Variants in SIRT4 observed in about 807,000 individuals in gnomAD.
SIRT4 encodes the protein sirtuin 4, also known as NAD-dependent protein lipoamidase sirtuin-4, mitochondrial.
In SIRT4, 23 loss-of-function variants were observed where a neutral mutation model predicts 26.1. The ratio of observed to expected loss-of-function variants is 0.88; its 90% CI spans 0.63 to 1.25. SIRT4 has a LOEUF of 1.25. SIRT4 is among the 50% of genes most tolerant of loss of function. The pLI, the probability that SIRT4 is intolerant of heterozygous loss-of-function variation, is 0.00. For synonymous variants in SIRT4, 155 were observed against 158.4 expected (o/e 0.98, Z 0.16); for missense variants, 361 against 405.4 (o/e 0.89, Z 0.94).
rs769184129 is a variant in SIRT4 at position 120,312,490 on chromosome 12, C to T, written c.532C>T (p.Arg178Trp). Residue 178 changes from arginine (R) to tryptophan (W), a missense_variant, in exon 3 of 4, where the codon CGG becomes TGG. By Grantham distance (101) the Arg-to-Trp change is moderately radical (BLOSUM62 -3). Coordinates refer to ENST00000202967, the MANE Select transcript of SIRT4 (RefSeq NM_012240.3). ...LCLDCGEQTP[R>W]GVLQERFQVL... ...CTTGGATTGTGGGGAACAGACTCCC[C>T]GGGGGGTGCTGCAAGAGCGTTTCCA... is the stretch of plus-strand genomic sequence containing the variant. 1.5e-5 allele frequency: 25 copies of T among 1,613,720 alleles called. No homozygotes were observed. Among genetic ancestry groups the T allele is most frequent in the Middle Eastern group, 3.3e-4 (2 of 6,068 alleles).
At chr12:120,297,339 AAAGAGAG>A (rs1566459943), upstream of SIRT4, among the ~76,000 whole-genome samples, 1 of 146,328 alleles carries the variant, frequency 6.8e-6, no homozygotes, top group African/African-American at 2.5e-5. Context: ...AAAAAAAAAA[AAAGAGAG>A]AGAGAAAAAG....
chr12:120,307,966 A>C (rs958707206), intron 2 of SIRT4, among the ~76,000 whole-genome samples: 1 of 152,180 alleles, frequency 6.6e-6, no homozygotes, highest in Non-Finnish European at 1.5e-5. Flanking sequence ...TGCATGTTCA[A>C]ATAAACAGAT....
At chr12:120,301,742 A>C (rs1872557154), upstream of SIRT4, among the ~76,000 whole-genome samples, 1 of 152,198 alleles carries the variant, frequency 6.6e-6, no homozygotes, top group Non-Finnish European at 1.5e-5. Flanking sequence ...TGGGTAAAGC[A>C]TAGACAGGCA....
At chr12:120,307,347 G>C (rs1872779803) in intron 2 of SIRT4, among the ~76,000 whole-genome samples, 1 of 152,132 alleles carries the variant, frequency 6.6e-6, no homozygotes, top group Non-Finnish European at 1.5e-5. Flanking sequence ...AGATTGGCCA[G>C]GCGTGGTGGC....
In SIRT4 at chr12:120,303,707, G is replaced by C. The variant is rs764695227; in HGVS notation, c.146G>C (p.Arg49Pro). 7 of 1,613,962 alleles carry C rather than the reference G, an allele frequency of 4.3e-6. No homozygotes were observed. Among genetic ancestry groups the C allele is most frequent in the Admixed American group, 1.7e-5 (1 of 59,962 alleles). Residue 49 changes from arginine to proline, a missense_variant, in exon 2 of 4, where the codon CGC (arginine) becomes CCC (proline). Arg to Pro is a moderately radical substitution (Grantham distance 103). Coordinates refer to ENST00000202967, the MANE Select transcript of SIRT4 (RefSeq NM_012240.3). ...CCTGAGAAGGTCAAAGAGTTACAGC[G>C]CTTCATCACCCTTTCCAAGAGACTC... ...LDPEKVKELQ[R>P]FITLSKRLLV...
intron 2 of SIRT4, among the ~76,000 whole-genome samples, chr12:120,312,165 G>A (rs1031785243): frequency 1.3e-5 from 2 of 152,034 alleles, no homozygotes. Context: ...TGTTTGTAGT[G>A]CAGTCCCTGC....
At chr12:120,299,135 C>G (rs1311105277), upstream of SIRT4, among the ~76,000 whole-genome samples, 1 of 150,304 alleles carries the variant, frequency 6.7e-6, no homozygotes, top group African/African-American at 2.4e-5. Context: ...GCAGGAGAAT[C>G]GCGTGAACCC....
the SIRT4 span, among the ~76,000 whole-genome samples, chr12:120,294,006 C>CTTTTTTTTTTTTTTTTTTTTTTTTT: frequency 2.4e-5 from 2 of 84,002 alleles, no homozygotes; most frequent in Admixed American, 1.6e-4. Context: ...GAGATGTTAT[C>CTTTTTTTTTTTTTTTTTTTTTTTTT]TTTTTTTTTT....
chr12:120,300,685 T>C (rs540679810), upstream of SIRT4, among the ~76,000 whole-genome samples: 2 of 152,258 alleles, frequency 1.3e-5, no homozygotes, highest in Non-Finnish European at 2.9e-5. Flanking sequence ...TGGGCTCAAG[T>C]GATCCTCCTG....
chr12:120,291,793 G>A, the SIRT4 span: 9 of 152,098 alleles, frequency 5.9e-5, no homozygotes, highest in Non-Finnish European at 8.8e-5. Flanking sequence ...AATTGCCAAT[G>A]CCGACTATAT....
the SIRT4 span, among the ~76,000 whole-genome samples, chr12:120,292,063 C>T: frequency 2.7e-3 from 406 of 152,252 alleles, no homozygotes; most frequent in Non-Finnish European, 4.5e-3. Context: ...TGGAACATCC[C>T]GTGTCAAACA....
At chr12:120,294,634 A>G in the SIRT4 span, among the ~76,000 whole-genome samples, 1 of 151,852 alleles carries the variant, frequency 6.6e-6, no homozygotes, top group Non-Finnish European at 1.5e-5. Context: ...AGCTCACTTC[A>G]ACCTCTGCTT....
At chr12:120,295,046 G>C in the SIRT4 span, among the ~76,000 whole-genome samples, 1 of 151,560 alleles carries the variant, frequency 6.6e-6, no homozygotes, top group South Asian at 2.1e-4. Context: ...GGCCAGGCTG[G>C]TCTCAAGCTC....
chr12:120,297,495 A>G, upstream of SIRT4, among the ~76,000 whole-genome samples: 1 of 125,662 alleles, frequency 8.0e-6, no homozygotes, highest in South Asian at 2.1e-4. Flanking sequence ...CTTGGATGAC[A>G]AAAAAAAAAA....
the SIRT4 span, among the ~76,000 whole-genome samples, chr12:120,292,485 T>C: frequency 4.2e-4 from 64 of 152,026 alleles, no homozygotes; most frequent in African/African-American, 1.5e-3. Context: ...GCGCCTGTAA[T>C]CCCAGCTAGT....
In SIRT4 at chr12:120,312,741, A is replaced by G. The variant is rs201374997; in HGVS notation, c.783A>G (p.Ser261=). 6.2e-7 allele frequency: 1 copy of G among 1,612,766 alleles called. No individual in the cohort carries two copies. Among genetic ancestry groups the G allele is most frequent in the Middle Eastern group, 1.7e-4 (1 of 6,050 alleles). ...KEADSLLVVG[S]SLQVYSGYRF... is the part of the protein sequence containing the mutation. ...CCGACTCCCTCTTGGTGGTGGGATC[A>G]TCCTTGCAGGTATCTGACTTGGCAA... Residue 261 remains serine (S), a synonymous_variant, in exon 3 of 4, where the codon TCA becomes TCG. Coordinates refer to ENST00000202967, the MANE Select transcript of SIRT4 (RefSeq NM_012240.3).
chr12:120,298,829 C>G (rs535568090), upstream of SIRT4, among the ~76,000 whole-genome samples: 28 of 151,284 alleles, frequency 1.9e-4, no homozygotes, highest in African/African-American at 6.8e-4. Context: ...ATCACTTGAA[C>G]CCGGGAGGCG....
chr12:120,293,468 CTT>C, the SIRT4 span, among the ~76,000 whole-genome samples: 1 of 152,156 alleles, frequency 6.6e-6, no homozygotes, highest in African/African-American at 2.4e-5. Flanking sequence ...TGCTAATAGA[CTT>C]AATTCAGAGA....
At chr12:120,309,345 G>C (rs1205745858) in intron 2 of SIRT4, among the ~76,000 whole-genome samples, 1 of 151,386 alleles carries the variant, frequency 6.6e-6, no homozygotes, top group African/African-American at 2.4e-5. Context: ...TATCCATTCT[G>C]TCTCTTCTTA....
Sources: allele counts gnomAD v4.1 joint callset (sites outside exome capture counted in the v4.1 genomes callset), GRCh38; gene constraint gnomAD v4.1.1; transcripts MANE v1.5; gene names NCBI Gene and HGNC (gene_info 2026-07-23, HGNC 2026-07-21).